GPC3: variants seen among roughly 807,000 people sequenced by gnomAD.
GPC3 encodes the protein glypican-3.
Under a neutral mutation model 34.4 loss-of-function variants are expected in GPC3, and 3 were observed. That is an observed-to-expected ratio of 0.09 (90% CI 0.04 to 0.23). The LOEUF (loss-of-function observed/expected upper bound fraction) is 0.23, where lower values mean the gene tolerates loss of function less well. Ranked by LOEUF, GPC3 falls within the 10% of genes least tolerant of loss-of-function variation. The pLI, the probability that GPC3 is intolerant of heterozygous loss-of-function variation, is 1.00. For missense variants in GPC3, 351 were observed against 445.6 expected (o/e 0.79, Z 1.91); for synonymous variants, 177 against 174.0 (o/e 1.02, Z -0.13).
In GPC3 at chrX:133,881,282, G is replaced by A. The variant is rs191600238; in HGVS notation, c.337+71768C>T. Among the ~76,000 whole-genome samples the A allele has an allele frequency of 2.2e-4, 25 of 111,631 alleles. No homozygotes were observed. The East Asian group carries it at 6.5e-3, about 29-fold the overall frequency. ...GAGACACAGACAGACATGGTCCACTGGAAGACCGATTTCCAGAGAGGAGAG... is the reference window on the plus strand; with the variant it reads ...GAGACACAGACAGACATGGTCCACTAGAAGACCGATTTCCAGAGAGGAGAG... On this transcript the variant is annotated intron_variant, in intron 2 of 7. Transcript: ENST00000370818.
chrX:133,818,709 C>T (rs751957665), intron 2 of GPC3, among the ~76,000 whole-genome samples: 1 of 111,536 alleles, frequency 9.0e-6, no homozygotes, highest in South Asian at 3.8e-4. Flanking sequence ...GAGTGGTAGG[C>T]CATATAAACT....
intron 6 of GPC3, among the ~76,000 whole-genome samples, chrX:133,650,470 C>CACACAT (rs769380267): frequency 2.3e-3 from 251 of 110,007 alleles, no homozygotes; most frequent in African/African-American, 8.0e-3. Flanking sequence ...CACACACACA[C>CACACAT]ACACACACAC....
At chrX:133,707,100 G>A (rs1041676647) in intron 3 of GPC3, among the ~76,000 whole-genome samples, 3 of 111,867 alleles carry the variant, frequency 2.7e-5, no homozygotes, top group South Asian at 3.7e-4. Context: ...AAGTAATGCC[G>A]GGACAGAAAA....
intron 2 of GPC3, among the ~76,000 whole-genome samples, chrX:133,848,088 G>C (rs187965433): frequency 8.9e-6 from 1 of 111,851 alleles, no homozygotes; most frequent in East Asian, 2.8e-4. Flanking sequence ...TCTTACACAA[G>C]ATCAGTCAGT....
chrX:133,651,216 C>T (rs765512011), intron 6 of GPC3, among the ~76,000 whole-genome samples: 3 of 109,025 alleles, frequency 2.8e-5, no homozygotes, highest in African/African-American at 1.0e-4. Context: ...CAGAGTCTCG[C>T]TCTGTCGCCC....
At chrX:133,838,175 C>A (rs1028577254) in intron 2 of GPC3, among the ~76,000 whole-genome samples, 1 of 112,584 alleles carries the variant, frequency 8.9e-6, no homozygotes, top group African/African-American at 3.2e-5. Flanking sequence ...TTCTCTCTAT[C>A]CTAAAAAGTA....
chrX:133,738,892 G>C (rs1021029539), intron 3 of GPC3, among the ~76,000 whole-genome samples: 1 of 111,699 alleles, frequency 9.0e-6, no homozygotes, highest in Admixed American at 9.5e-5. Context: ...AGTGGCAAAG[G>C]CTGGGCAAAT....
chrX:133,573,702 G>T (rs758919386), intron 7 of GPC3, among the ~76,000 whole-genome samples: 224 of 111,931 alleles, frequency 2.0e-3, no homozygotes, highest in African/African-American at 6.7e-3. Flanking sequence ...ATAGGAATAA[G>T]TTTAACAAAA....
intron 2 of GPC3, among the ~76,000 whole-genome samples, chrX:133,872,193 A>G (rs1443435354): frequency 8.9e-6 from 1 of 111,800 alleles, no homozygotes; most frequent in Non-Finnish European, 1.9e-5. Context: ...GACAGGAAGA[A>G]AAAGTTCAAT....
chrX:133,723,221 C>T (rs2071385014), intron 3 of GPC3, among the ~76,000 whole-genome samples: 1 of 111,419 alleles, frequency 9.0e-6, no homozygotes, highest in Non-Finnish European at 1.9e-5. Context: ...TCTAGACTCA[C>T]AGACACATGG....
intron 5 of GPC3, chrX:133,671,082 A>C: frequency 1.6e-6 from 1 of 633,872 alleles, no homozygotes; most frequent in Non-Finnish European, 2.6e-6. Context: ...AGTGCCTAAG[A>C]CAGAAATTTA....
intron 2 of GPC3, among the ~76,000 whole-genome samples, chrX:133,942,881 C>A (rs1037576812): frequency 3.6e-5 from 4 of 111,732 alleles, no homozygotes; most frequent in African/African-American, 1.3e-4. Flanking sequence ...TTAATGCACA[C>A]TAAAATTTTT....
chrX:133,872,121 T>C (rs1276470382), intron 2 of GPC3, among the ~76,000 whole-genome samples: 1 of 111,833 alleles, frequency 8.9e-6, no homozygotes, highest in African/African-American at 3.2e-5. Context: ...AGTTACCTTT[T>C]ATGTTAAATG....
At chrX:133,567,981 G>T (rs1406083569) in intron 7 of GPC3, among the ~76,000 whole-genome samples, 1 of 112,148 alleles carries the variant, frequency 8.9e-6, no homozygotes, top group Non-Finnish European at 1.9e-5. Flanking sequence ...TACCAAACTA[G>T]CTGAACTTGG....
Position 133,953,218 on chromosome X carries a change from C to A in GPC3, c.176-7G>T. ...CATACTTGCAAATCTGATCCTGAAA[C>A]AAACAAGGTTTTCATGTTTCAGTAA... On this transcript the variant is annotated splice_polypyrimidine_tract_variant and splice_region_variant and intron_variant, in intron 1 of 7. Transcript: ENST00000370818. The A allele has an allele frequency of 1.7e-6, 2 of 1,206,430 alleles. No homozygotes were observed. Among genetic ancestry groups the A allele is most frequent in the South Asian group, 1.8e-5 (1 of 56,833 alleles).
At chrX:133,564,442 A>G (rs1445015668) in intron 7 of GPC3, among the ~76,000 whole-genome samples, 2 of 111,094 alleles carry the variant, frequency 1.8e-5, no homozygotes, top group Admixed American at 9.7e-5. Context: ...TTAAACGACA[A>G]TGGGTGGTCA....
intron 2 of GPC3, among the ~76,000 whole-genome samples, chrX:133,931,895 A>G (rs2076300319): frequency 1.8e-5 from 2 of 111,002 alleles, no homozygotes; most frequent in African/African-American, 6.6e-5. Context: ...TTTTCCTCCC[A>G]CTGTACTGTT....
chrX:133,576,020 T>C (rs2069676779), intron 7 of GPC3, among the ~76,000 whole-genome samples: 1 of 111,854 alleles, frequency 8.9e-6, no homozygotes, highest in African/African-American at 3.3e-5. Flanking sequence ...CCTAAAAGGC[T>C]ACAGAGGCGC....
intron 2 of GPC3, among the ~76,000 whole-genome samples, chrX:133,899,505 G>T (rs972357921): frequency 1.8e-5 from 2 of 111,591 alleles, no homozygotes; most frequent in African/African-American, 6.5e-5. Context: ...TGGTCAAAGC[G>T]TCTCTTCCTC....
Sources: gnomAD v4.1 joint callset for allele counts (sites outside exome capture counted in the v4.1 genomes callset) on GRCh38, gnomAD v4.1.1 for gene constraint, MANE v1.5 for transcripts, NCBI Gene and HGNC (gene_info 2026-07-23, HGNC 2026-07-21) for gene names.